Variants in PNPT1 observed in about 807,000 individuals in gnomAD.
The protein encoded by PNPT1 is polyribonucleotide nucleotidyltransferase 1.
PNPT1 carries 53 observed loss-of-function variants against 119.5 expected under a neutral mutation model. The ratio of observed to expected loss-of-function variants is 0.44; its 90% CI spans 0.36 to 0.56. PNPT1 has a LOEUF of 0.56. Among genes scored for constraint, PNPT1 ranks in the 20% least tolerant of loss-of-function variants. PNPT1 has a pLI of 0.00. For missense variants in PNPT1, 948 were observed against 938.5 expected (o/e 1.01, Z -0.13); for synonymous variants, 357 against 322.1 (o/e 1.11, Z -1.16).
At chr2:55,654,297 G>A (rs908605535) in intron 18 of PNPT1, among the ~76,000 whole-genome samples, 3 of 151,252 alleles carry the variant, frequency 2.0e-5, no homozygotes, top group East Asian at 1.9e-4. Context: ...TAATGCTTTC[G>A]TTTTTGGCGT....
chr2:55,647,195 A>T (rs1247919662), intron 19 of PNPT1, 152 bp downstream of exon 19: 1 of 544,592 alleles, frequency 1.8e-6, no homozygotes, highest in Admixed American at 3.3e-5. Context: ...GGGAAGAACA[A>T]GTACCTGTTC....
chr2:55,643,697 G>T (rs913530640), intron 23 of PNPT1, among the ~76,000 whole-genome samples: 15 of 151,358 alleles, frequency 9.9e-5, no homozygotes, highest in African/African-American at 3.4e-4. Context: ...CTGTGATTGT[G>T]TACTGCACTC....
intron 1 of PNPT1, among the ~76,000 whole-genome samples, chr2:55,689,124 TTTAA>T (rs1294207377): frequency 2.6e-4 from 40 of 152,190 alleles, no homozygotes; most frequent in African/African-American, 7.7e-4. Flanking sequence ...AATTTAAAAC[TTTAA>T]TTAAGAAAGT....
chr2:55,646,772 G>T (rs1190144490), intron 19 of PNPT1, among the ~76,000 whole-genome samples: 1 of 150,194 alleles, frequency 6.7e-6, no homozygotes, highest in East Asian at 1.9e-4. Context: ...TACTTACACT[G>T]TGTAAGTATT....
intron 18 of PNPT1, among the ~76,000 whole-genome samples, chr2:55,651,770 AT>A (rs1224723737): frequency 5.1e-4 from 60 of 116,912 alleles, no homozygotes; most frequent in Non-Finnish European, 5.6e-4. Context: ...AGAATGATCA[AT>A]TTAAAAAAAA....
At chr2:55,661,123 A>T (rs1696557609) in intron 14 of PNPT1, among the ~76,000 whole-genome samples, 1 of 121,706 alleles carries the variant, frequency 8.2e-6, no homozygotes. Context: ...TTTGAGACAG[A>T]GTCTCGCTCT....
chr2:55,643,642 C>T (rs535460715), intron 23 of PNPT1, among the ~76,000 whole-genome samples: 2 of 151,974 alleles, frequency 1.3e-5, no homozygotes, highest in South Asian at 2.1e-4. Flanking sequence ...TTGGGACTCA[C>T]AGTCGGGAGG....
At chr2:55,676,262 C>CAAAAAAAAAAA (rs11400030) in intron 8 of PNPT1, among the ~76,000 whole-genome samples, 1 of 82,828 alleles carries the variant, frequency 1.2e-5, no homozygotes, top group Non-Finnish European at 2.1e-5. Flanking sequence ...CCATCTCAAC[C>CAAAAAAAAAAA]AAAAAAAAAA....
At chr2:55,693,596 T>C in intron 1 of PNPT1, 67 bp downstream of exon 1, 1 of 1,586,312 alleles carries the variant, frequency 6.3e-7, no homozygotes, top group Non-Finnish European at 8.6e-7. Context: ...CCCTGGGAGA[T>C]GAATACGCTC....
intron 11 of PNPT1, 62 bp downstream of exon 11, chr2:55,671,257 A>G: frequency 2.4e-6 from 2 of 820,186 alleles, no homozygotes; most frequent in Non-Finnish European, 3.6e-6. Flanking sequence ...AGCAAGAGTC[A>G]GGCCATGCCT....
chr2:55,681,239 G>T (rs560334255), intron 5 of PNPT1, among the ~76,000 whole-genome samples: 2 of 151,802 alleles, frequency 1.3e-5, no homozygotes, highest in Non-Finnish European at 2.9e-5. Context: ...AAACTCTGTC[G>T]CTACTAAAAA....
chr2:55,691,878 ATTTTT>A (rs1227966046), intron 1 of PNPT1, among the ~76,000 whole-genome samples: 533 of 32,718 alleles, frequency 0.016, 1 homozygote, highest in Middle Eastern at 0.031. Context: ...ATATATATAT[ATTTTT>A]TTTTTTTTTT....
chr2:55,642,726 AAAT>A (rs1222977899), intron 25 of PNPT1, among the ~76,000 whole-genome samples: 1 of 152,142 alleles, frequency 6.6e-6, no homozygotes, highest in Non-Finnish European at 1.5e-5. Context: ...ATACCTTAAA[AAAT>A]AATGATTATA....
chr2:55,690,103 T>C (rs947740775), intron 1 of PNPT1, among the ~76,000 whole-genome samples: 1 of 152,218 alleles, frequency 6.6e-6, no homozygotes. Flanking sequence ...ATTACAAATA[T>C]AAGCCACTGC....
chr2:55,667,010 A>C lies in PNPT1; in HGVS notation c.1157T>G (p.Phe386Cys). The C allele has an allele frequency of 6.3e-7, 1 of 1,593,104 alleles. No homozygotes were observed. The highest frequency in any genetic ancestry group is 8.5e-7 in the Non-Finnish European group (1 of 1,172,680). Residue 386 changes from phenylalanine (F) to cysteine (C), a missense_variant, in exon 13 of 28, where the codon TTT becomes TGT. Transcript: ENST00000447944. ...AATTACCTGTGTTTGTCCTCTTTGA[A>C]ATAATGCTGATCCATGAAGGGTTTT... Reference protein sequence around the residue: ...MFKTLHGSALFQRGQTQVLCT... With the variant: ...MFKTLHGSALCQRGQTQVLCT...
chr2:55,687,587 T>G, intron 2 of PNPT1, 58 bp downstream of exon 2: 1 of 1,269,530 alleles, frequency 7.9e-7, no homozygotes, highest in Non-Finnish European at 1.1e-6. Context: ...AGTTACACAT[T>G]TAGTATGAGT....
intron 13 of PNPT1, among the ~76,000 whole-genome samples, chr2:55,664,661 A>G (rs1379118402): frequency 6.6e-6 from 1 of 152,198 alleles, no homozygotes; most frequent in Non-Finnish European, 1.5e-5. Flanking sequence ...AAATAATAAA[A>G]TGACGGTAAA....
intron 27 of PNPT1, among the ~76,000 whole-genome samples, chr2:55,637,158 C>T (rs1559083674): frequency 6.6e-6 from 1 of 152,174 alleles, no homozygotes; most frequent in Non-Finnish European, 1.5e-5. Context: ...AATAACATGG[C>T]TCTTACCAAG....
rs1370353929 is a variant in PNPT1 at position 55,636,152 on chromosome 2, C to G, written c.*85G>C. The G allele has an allele frequency of 2.1e-6, 2 of 936,482 alleles. No individual in the cohort carries two copies. The highest frequency in any genetic ancestry group is 3.3e-5 in the African/African-American group (2 of 60,332). 58.0% of individuals were successfully genotyped at this position (936,482 alleles called of 1,614,324 possible). A position where few individuals can be genotyped will look rare whatever the true frequency, so the allele number is the denominator to read the frequency against. On this transcript the variant is annotated 3_prime_UTR_variant, in exon 28 of 28. Coordinates refer to ENST00000447944, the MANE Select transcript of PNPT1 (RefSeq NM_033109.5). Reference sequence around the variant, plus strand: ...TATTTATATTATATAGAAATCTACACAATGGAAGATACTACTAAAATGTTG... The same window carrying G: ...TATTTATATTATATAGAAATCTACAGAATGGAAGATACTACTAAAATGTTG...
Sources: allele counts gnomAD v4.1 joint callset (sites outside exome capture counted in the v4.1 genomes callset), GRCh38; gene constraint gnomAD v4.1.1; transcripts MANE v1.5; gene names NCBI Gene and HGNC (gene_info 2026-07-23, HGNC 2026-07-21).